PPM1H: variants seen among roughly 807,000 people sequenced by gnomAD.
PPM1H encodes the protein protein phosphatase 1H.
A neutral mutation model predicts 54.9 loss-of-function variants in PPM1H; 27 were observed. That is an observed-to-expected ratio of 0.49 (90% CI 0.36 to 0.68). PPM1H has a LOEUF of 0.68. PPM1H is among the 30% of genes least tolerant of loss of function. The probability of loss-of-function intolerance (pLI) is 0.00; values close to 1 mark genes in which losing one functional copy is unlikely to be tolerated. For missense variants in PPM1H, 596 were observed against 667.8 expected (o/e 0.89, Z 1.19); for synonymous variants, 305 against 270.8 (o/e 1.13, Z -1.24).
chr12:62,899,569 G>T (rs1031540443), intron 1 of PPM1H, among the ~76,000 whole-genome samples: 1 of 152,162 alleles, frequency 6.6e-6, no homozygotes, highest in Non-Finnish European at 1.5e-5. Flanking sequence ...ATATCTATGT[G>T]CATAGTTATT....
Position 62,934,402 on chromosome 12 carries a change from A to T in PPM1H, c.245+90T>A. On this transcript the variant is annotated intron_variant, in intron 1 of 9. Transcript: ENST00000228705. The surrounding 1 kb of genome is among the most constrained non-coding windows in gnomAD (Gnocchi z 4.2). ...ACGCCGGCAGCTAGTGAGAGCCCTG[A>T]GGCCGAGAAGCAGGGAGAGAAGAGG... 2 of 1,397,432 alleles carry T rather than the reference A, an allele frequency of 1.4e-6. No homozygotes were observed. The highest frequency in any genetic ancestry group is 1.9e-6 in the Non-Finnish European group (2 of 1,073,744). 86.6% of individuals were successfully genotyped at this position (1,397,432 alleles called of 1,614,324 possible).
chr12:62,860,585 C>G (rs540172423), intron 1 of PPM1H, among the ~76,000 whole-genome samples: 2 of 152,268 alleles, frequency 1.3e-5, no homozygotes, highest in East Asian at 1.9e-4. Flanking sequence ...AGAAAATGAA[C>G]TGTAGAAAAT....
intron 3 of PPM1H, among the ~76,000 whole-genome samples, chr12:62,795,833 T>C (rs1430666639): frequency 6.6e-6 from 1 of 152,082 alleles, no homozygotes; most frequent in Non-Finnish European, 1.5e-5. Context: ...TTCAAATGAT[T>C]CTCATGCCTC....
chr12:62,821,312 G>A (rs2076901971), intron 2 of PPM1H, among the ~76,000 whole-genome samples: 1 of 152,204 alleles, frequency 6.6e-6, no homozygotes, highest in African/African-American at 2.4e-5. Context: ...ACCTGAAAGT[G>A]ACAGGGAGAA....
intron 1 of PPM1H, among the ~76,000 whole-genome samples, chr12:62,841,623 G>A (rs934021836): frequency 6.6e-6 from 1 of 152,118 alleles, no homozygotes; most frequent in Non-Finnish European, 1.5e-5. Flanking sequence ...GAATACTGAC[G>A]ATTTCACATA....
intron 4 of PPM1H, among the ~76,000 whole-genome samples, chr12:62,776,790 T>G (rs2076614068): frequency 6.6e-6 from 1 of 152,196 alleles, no homozygotes; most frequent in Non-Finnish European, 1.5e-5. Context: ...TAAACCATAT[T>G]TGGGCCTGGA....
chr12:62,802,097 C>T lies in PPM1H; in HGVS notation c.475G>A (p.Ala159Thr), dbSNP rs750087918. 2 of 1,607,480 alleles carry T rather than the reference C, an allele frequency of 1.2e-6. No homozygotes were observed. The highest frequency in any genetic ancestry group is 1.7e-5 in the Admixed American group (1 of 59,122). Residue 159 changes from alanine to threonine, a missense_variant, in exon 3 of 10, where the codon GCG becomes ACG. Around this residue, in one of 3 missense-constraint regions of PPM1H, gnomAD observed 382 missense variants for 387.1 expected, o/e 0.99. Coordinates refer to ENST00000228705, the MANE Select transcript of PPM1H (RefSeq NM_020700.2). Reference protein sequence around the residue: ...LFDGHAGSGAAVVASRLLQHH... With the variant: ...LFDGHAGSGATVVASRLLQHH... ...TGCAGCAGGCGTGACGCCACCACCG[C>T]GGCCCCGGACCCCGCGTGCCCGTCA...
At chr12:62,895,946 G>T (rs1015741957) in intron 1 of PPM1H, among the ~76,000 whole-genome samples, 2 of 151,946 alleles carry the variant, frequency 1.3e-5, no homozygotes, top group African/African-American at 4.8e-5. Flanking sequence ...AAAATAAATA[G>T]ACTAAGAGAC....
chr12:62,817,448 A>C (rs530199281), intron 2 of PPM1H, among the ~76,000 whole-genome samples: 1 of 151,042 alleles, frequency 6.6e-6, no homozygotes, highest in Non-Finnish European at 1.5e-5. Flanking sequence ...GACAACAGAG[A>C]GAGACCCTGT....
chr12:62,917,755 G>A (rs1038918289), intron 1 of PPM1H, among the ~76,000 whole-genome samples: 3 of 151,894 alleles, frequency 2.0e-5, no homozygotes, highest in Admixed American at 2.0e-4. Flanking sequence ...TTCTGGAGAC[G>A]ATATTATAAC....
At chr12:62,700,688 A>G (rs2076139328) in intron 6 of PPM1H, among the ~76,000 whole-genome samples, 1 of 152,200 alleles carries the variant, frequency 6.6e-6, no homozygotes, top group Non-Finnish European at 1.5e-5. Flanking sequence ...CGATGGTGCT[A>G]GGATGATGTC....
chr12:62,859,920 C>T (rs936218468), intron 1 of PPM1H, among the ~76,000 whole-genome samples: 1 of 152,104 alleles, frequency 6.6e-6, no homozygotes, highest in East Asian at 1.9e-4. Context: ...ATACAGCATG[C>T]GCTAACAGAG....
intron 5 of PPM1H, among the ~76,000 whole-genome samples, chr12:62,728,148 G>A (rs994411360): frequency 2.0e-5 from 3 of 152,126 alleles, no homozygotes; most frequent in African/African-American, 7.2e-5. Flanking sequence ...ATCACCTGGG[G>A]GAAAAAGCTT....
intron 1 of PPM1H, among the ~76,000 whole-genome samples, chr12:62,906,397 G>C (rs142655810): frequency 6.6e-6 from 1 of 152,096 alleles, no homozygotes; most frequent in African/African-American, 2.4e-5. Flanking sequence ...CAGTGTCAGG[G>C]GGCTCAAAAG....
intron 2 of PPM1H, among the ~76,000 whole-genome samples, chr12:62,822,520 G>A (rs1277316027): frequency 6.6e-6 from 1 of 152,108 alleles, no homozygotes; most frequent in East Asian, 1.9e-4. Flanking sequence ...AAATGTAAAA[G>A]AACAGAAATC....
chr12:62,757,723 T>C (rs1197390192), intron 4 of PPM1H, among the ~76,000 whole-genome samples: 1 of 152,266 alleles, frequency 6.6e-6, no homozygotes, highest in East Asian at 1.9e-4. Flanking sequence ...GAAGCAGCTC[T>C]ATCATTTAAG....
chr12:62,828,054 C>T (rs996399593), intron 2 of PPM1H, among the ~76,000 whole-genome samples: 6 of 152,114 alleles, frequency 3.9e-5, no homozygotes, highest in South Asian at 2.1e-4. Flanking sequence ...GGGTACAATC[C>T]GCTTTACTTA....
At chr12:62,659,211 G>A (rs1300230578) in intron 9 of PPM1H, 4 of 574,098 alleles carry the variant, frequency 7.0e-6, no homozygotes, top group Admixed American at 2.1e-5. Flanking sequence ...GCTGTGCAGC[G>A]AAGAAAATGG....
At chr12:62,889,894 G>A (rs947357981) in intron 1 of PPM1H, among the ~76,000 whole-genome samples, 1 of 152,104 alleles carries the variant, frequency 6.6e-6, no homozygotes, top group Non-Finnish European at 1.5e-5. Context: ...CAATGTCAAA[G>A]GTACGATCTC....
Sources: allele counts gnomAD v4.1 joint callset (sites outside exome capture counted in the v4.1 genomes callset), GRCh38; gene constraint gnomAD v4.1.1; regional missense constraint gnomAD v4.1.1; non-coding constraint Gnocchi (gnomAD v3.1); transcripts MANE v1.5; gene names NCBI Gene and HGNC (gene_info 2026-07-23, HGNC 2026-07-21).